The following SGCZ variants were observed in gnomAD, a reference collection of about 807,000 sequenced individuals.
SGCZ encodes the protein sarcoglycan zeta.
In SGCZ, 40 loss-of-function variants were observed where a neutral mutation model predicts 41.3. That is an observed-to-expected ratio of 0.97 (90% CI 0.75 to 1.26). The LOEUF (loss-of-function observed/expected upper bound fraction) is 1.26. Among genes scored for constraint, SGCZ ranks in the 50% most tolerant of loss-of-function variants. The probability of loss-of-function intolerance (pLI) is 0.00; values close to 1 mark genes in which losing one functional copy is unlikely to be tolerated. For missense variants in SGCZ, 552 were observed against 369.8 expected (o/e 1.49, Z -4.04); for synonymous variants, 206 against 137.5 (o/e 1.50, Z -3.49).
chr8:14,911,358 C>T (rs576978219), intron 1 of SGCZ, among the ~76,000 whole-genome samples: 3 of 152,060 alleles, frequency 2.0e-5, no homozygotes, highest in Non-Finnish European at 2.9e-5. Context: ...GACACCAATG[C>T]CTATTTTTCT....
chr8:15,039,549 C>T (rs925853115), intron 1 of SGCZ, among the ~76,000 whole-genome samples: 2 of 152,114 alleles, frequency 1.3e-5, no homozygotes, highest in Non-Finnish European at 2.9e-5. Context: ...ATCTATTGGA[C>T]AATATGGTGA....
intron 1 of SGCZ, among the ~76,000 whole-genome samples, chr8:15,054,589 A>G (rs142113249): frequency 2.2e-3 from 331 of 152,272 alleles, no homozygotes; most frequent in Non-Finnish European, 4.1e-3. Context: ...GCGTTGTATT[A>G]ATACTTGAAT....
chr8:15,180,340 G>A (rs1800133448), intron 1 of SGCZ, among the ~76,000 whole-genome samples: 1 of 152,162 alleles, frequency 6.6e-6, no homozygotes, highest in East Asian at 1.9e-4. Flanking sequence ...TAAAGCTACT[G>A]AAGACACTTT....
intron 2 of SGCZ, among the ~76,000 whole-genome samples, chr8:14,454,643 A>G (rs1800691196): frequency 6.6e-6 from 1 of 152,182 alleles, no homozygotes; most frequent in South Asian, 2.1e-4. Context: ...AGGTAAAAAC[A>G]AATCAATTTG....
At chr8:14,982,118 C>G (rs1018495605) in intron 1 of SGCZ, among the ~76,000 whole-genome samples, 1 of 151,172 alleles carries the variant, frequency 6.6e-6, no homozygotes, top group Non-Finnish European at 1.5e-5. Context: ...CCACTGTACT[C>G]CTGCACTCCA....
intron 1 of SGCZ, among the ~76,000 whole-genome samples, chr8:14,868,383 A>T (rs536910175): frequency 1.7e-4 from 26 of 152,188 alleles, no homozygotes; most frequent in African/African-American, 6.0e-4. Context: ...GCCACCATCT[A>T]TTTCTGCTAC....
At chr8:14,548,212 G>A (rs1264800396) in intron 2 of SGCZ, among the ~76,000 whole-genome samples, 1 of 152,098 alleles carries the variant, frequency 6.6e-6, no homozygotes, top group African/African-American at 2.4e-5. Flanking sequence ...TAATAAATGA[G>A]AAAGCCAGGA....
At chr8:14,482,972 T>C (rs1801574893) in intron 2 of SGCZ, among the ~76,000 whole-genome samples, 1 of 152,052 alleles carries the variant, frequency 6.6e-6, no homozygotes, top group East Asian at 1.9e-4. Context: ...AGCCAATTCT[T>C]ACACCATATA....
chr8:15,228,614 A>G (rs940505502), intron 1 of SGCZ, among the ~76,000 whole-genome samples: 12 of 152,222 alleles, frequency 7.9e-5, no homozygotes, highest in African/African-American at 2.9e-4. Flanking sequence ...GTAACAGACA[A>G]CAGAAATACA....
chr8:14,438,229 G>C (rs1211132297), intron 2 of SGCZ, among the ~76,000 whole-genome samples: 1 of 151,942 alleles, frequency 6.6e-6, no homozygotes, highest in South Asian at 2.1e-4. Context: ...ATCAGTTCTA[G>C]ATGATTAAGT....
chr8:14,326,795 T>G (rs567362820), intron 2 of SGCZ, among the ~76,000 whole-genome samples: 6 of 152,258 alleles, frequency 3.9e-5, no homozygotes, highest in African/African-American at 1.4e-4. Flanking sequence ...CTCTTACATT[T>G]TCAAAAATAA....
chr8:14,194,396 T>C (rs2117054012), intron 4 of SGCZ, among the ~76,000 whole-genome samples: 1 of 152,026 alleles, frequency 6.6e-6, no homozygotes, highest in African/African-American at 2.4e-5. Context: ...ATATTACTAA[T>C]ACAAGTCTAA....
In SGCZ at chr8:14,326,030, C is replaced by T. The variant is rs563535839; in HGVS notation, c.235-1826G>A. ...GGAAGGCTGAGGCAGGAGAATGGCACGAACCCGGGAGGCGGAGCCACAAAT... is the reference window on the plus strand; with the variant it reads ...GGAAGGCTGAGGCAGGAGAATGGCATGAACCCGGGAGGCGGAGCCACAAAT... On this transcript the variant is annotated intron_variant, in intron 2 of 7. Transcript: ENST00000382080. Among the ~76,000 whole-genome samples, 44 of 138,148 alleles carry T rather than the reference C, an allele frequency of 3.2e-4. No homozygotes were observed. The East Asian group carries it at 9.2e-3, about 29-fold the overall frequency. 90.6% of individuals were successfully genotyped at this position (138,148 alleles called of 152,430 possible).
At chr8:14,097,222 G>T (rs1041320979) in intron 7 of SGCZ, among the ~76,000 whole-genome samples, 1 of 152,062 alleles carries the variant, frequency 6.6e-6, no homozygotes, top group Admixed American at 6.6e-5. Context: ...GCTTTCTCTT[G>T]TGGGCATTTA....
At chr8:14,170,932 C>T (rs552918591) in intron 4 of SGCZ, among the ~76,000 whole-genome samples, 1 of 151,920 alleles carries the variant, frequency 6.6e-6, no homozygotes, top group South Asian at 2.1e-4. Context: ...CAGGTCATTA[C>T]TTTTGAAGAA....
At chr8:14,174,049 A>G (rs1475370680) in intron 4 of SGCZ, among the ~76,000 whole-genome samples, 2 of 152,116 alleles carry the variant, frequency 1.3e-5, no homozygotes, top group Admixed American at 6.6e-5. Flanking sequence ...AATGAAAAAT[A>G]GAGTTTCAAA....
At chr8:15,087,035 T>G (rs1805974495) in intron 1 of SGCZ, among the ~76,000 whole-genome samples, 1 of 152,144 alleles carries the variant, frequency 6.6e-6, no homozygotes, top group Non-Finnish European at 1.5e-5. Context: ...CACATGAGAT[T>G]TAGCTCACAT....
rs116834303 is a variant in SGCZ at position 15,088,948 on chromosome 8, C to T, written c.39+148637G>A. 9.9e-3 allele frequency among the ~76,000 whole-genome samples: 1,508 copies of T among 152,210 alleles called. 20 individuals carry two copies. Among genetic ancestry groups the T allele is most frequent in the African/African-American group, 0.035 (1,447 of 41,528 alleles). On this transcript the variant is annotated intron_variant, in intron 1 of 7. Transcript: ENST00000382080. ...TCTCATTTTCCTTAGAATTTAATGA[C>T]GTCACGTAGTCATAGGTGCTCCTAA...
chr8:14,761,849 T>G (rs1300888202), intron 1 of SGCZ, among the ~76,000 whole-genome samples: 1 of 152,074 alleles, frequency 6.6e-6, no homozygotes, highest in Non-Finnish European at 1.5e-5. Context: ...TGCAGATGTT[T>G]CTAATCTAGA....
Sources: gnomAD v4.1 joint callset for allele counts (sites outside exome capture counted in the v4.1 genomes callset) on GRCh38, gnomAD v4.1.1 for gene constraint, MANE v1.5 for transcripts, NCBI Gene and HGNC (gene_info 2026-07-23, HGNC 2026-07-21) for gene names.